Variants in GBE1 observed in about 807,000 individuals in gnomAD.
The protein encoded by GBE1 is 1,4-alpha-glucan branching enzyme 1.
Under a neutral mutation model 88.8 loss-of-function variants are expected in GBE1, and 70 were observed. The observed-to-expected ratio is 0.79, with a 90% CI of 0.65 to 0.96. The LOEUF is 0.96. Among genes scored for constraint, GBE1 ranks in the 40% least tolerant of loss-of-function variants. The pLI is 0.00. For missense variants in GBE1, 872 were observed against 871.0 expected, an observed-to-expected ratio of 1.00 and a Z score of -0.01; for synonymous variants, 284 against 300.1, an observed-to-expected ratio of 0.95 and a Z score of 0.56.
chr3:81,506,450 T>C (rs1472853105), intron 14 of GBE1, among the ~76,000 whole-genome samples: 1 of 152,158 alleles, frequency 6.6e-6, no homozygotes, highest in Non-Finnish European at 1.5e-5. Flanking sequence ...TAAACACCAT[T>C]AGTAGGAAAG....
At chr3:81,653,230 G>A (rs1381578504) in intron 3 of GBE1, among the ~76,000 whole-genome samples, 1 of 152,132 alleles carries the variant, frequency 6.6e-6, no homozygotes, top group Non-Finnish European at 1.5e-5. Context: ...TTGGGAGGCT[G>A]AGATGGGAGG....
intron 10 of GBE1, among the ~76,000 whole-genome samples, chr3:81,582,982 G>C (rs763371486): frequency 1.3e-5 from 2 of 151,888 alleles, no homozygotes; most frequent in Non-Finnish European, 2.9e-5. Context: ...CCATGTATCC[G>C]GCAAAGAAGT....
At chr3:81,701,240 T>C (rs1429640054) in intron 2 of GBE1, among the ~76,000 whole-genome samples, 2 of 152,108 alleles carry the variant, frequency 1.3e-5, no homozygotes, top group African/African-American at 2.4e-5. Context: ...ACCATCCTTC[T>C]AGGTTGCTGC....
rs1327623597 is a variant in GBE1, at chr3:81,649,803, G to A, written c.548C>T (p.Ser183Leu). The change falls in exon 4 of 16, where the codon TCA becomes TTA. Residue 183 changes from serine (S) to leucine (L), a missense_variant. Transcript: ENST00000429644. ...AAGATTTGTTGTTCTCACCTCATAT[G>A]AGTGTTCTGGATCCCAGTGTATCCA... is the stretch of plus-strand genomic sequence containing the variant. ...YDWIHWDPEH[S>L]YEFKHSRPKK... is the part of the protein sequence containing the mutation. The A allele has an allele frequency of 3.1e-6, 5 of 1,606,274 alleles. No homozygotes were observed. Among genetic ancestry groups the A allele is most frequent in the Non-Finnish European group, 4.3e-6 (5 of 1,175,970 alleles).
chr3:81,667,861 G>A (rs1475489174), intron 3 of GBE1, among the ~76,000 whole-genome samples: 2 of 152,088 alleles, frequency 1.3e-5, no homozygotes, highest in African/African-American at 4.8e-5. Flanking sequence ...GTATTTTATT[G>A]AGGACTTTTG....
chr3:81,558,192 T>C (rs773762713), intron 12 of GBE1, among the ~76,000 whole-genome samples: 11 of 151,964 alleles, frequency 7.2e-5, no homozygotes, highest in African/African-American at 4.8e-5. Flanking sequence ...GTGTTTATAG[T>C]TTCTCAGGTT....
At chr3:81,594,949 G>C (rs1703936718) in intron 7 of GBE1, among the ~76,000 whole-genome samples, 1 of 151,672 alleles carries the variant, frequency 6.6e-6, no homozygotes, top group Admixed American at 6.6e-5. Flanking sequence ...CTTTACCCCA[G>C]TCGAAATTCA....
chr3:81,560,626 TG>T (rs1703403798), intron 12 of GBE1, among the ~76,000 whole-genome samples: 1 of 151,982 alleles, frequency 6.6e-6, no homozygotes, highest in Non-Finnish European at 1.5e-5. Context: ...TGGTCATCTC[TG>T]CGTATTTCAA....
chr3:81,519,040 A>C (rs1312241983), intron 14 of GBE1, among the ~76,000 whole-genome samples: 1 of 151,610 alleles, frequency 6.6e-6, no homozygotes, highest in Non-Finnish European at 1.5e-5. Context: ...TCCTAAATTA[A>C]GTCCTTTGTT....
chr3:81,565,449 T>C (rs1268394666), intron 12 of GBE1, among the ~76,000 whole-genome samples: 2 of 152,130 alleles, frequency 1.3e-5, no homozygotes, highest in Non-Finnish European at 2.9e-5. Context: ...CAACCACAGA[T>C]GGAAGATTTG....
intron 1 of GBE1, among the ~76,000 whole-genome samples, chr3:81,707,222 C>A (rs984312904): frequency 1.3e-5 from 2 of 151,888 alleles, no homozygotes; most frequent in Non-Finnish European, 2.9e-5. Flanking sequence ...AGTCTATAGA[C>A]AACCAGGCAG....
chr3:81,594,389 A>C lies in GBE1; in HGVS notation c.993-366T>G, dbSNP rs543730275. On this transcript the variant is annotated intron_variant, in intron 7 of 15. Transcript: ENST00000429644. ...TGCTCGAAAAAAGCAAAGGAATAAA[A>C]TCTATTACCAGTCCCTGAATTTTTA... Among the ~76,000 whole-genome samples the C allele has an allele frequency of 2.6e-5, 4 of 152,184 alleles. No homozygotes were observed. In the South Asian group the frequency reaches 8.3e-4, roughly 32 times the overall value.
At chr3:81,724,620 C>T (rs1374946127) in intron 1 of GBE1, among the ~76,000 whole-genome samples, 1 of 152,084 alleles carries the variant, frequency 6.6e-6, no homozygotes, top group Non-Finnish European at 1.5e-5. Flanking sequence ...TCATTCCAAA[C>T]CCCTTTAATA....
At chr3:81,561,879 A>G (rs187694550) in intron 12 of GBE1, among the ~76,000 whole-genome samples, 6 of 152,186 alleles carry the variant, frequency 3.9e-5, no homozygotes, top group African/African-American at 1.4e-4. Context: ...ATGGGACTAC[A>G]CAGAGGATCA....
intron 7 of GBE1, among the ~76,000 whole-genome samples, chr3:81,613,432 G>C (rs1704208275): frequency 6.6e-6 from 1 of 151,906 alleles, no homozygotes; most frequent in South Asian, 2.1e-4. Context: ...TACAATTCTA[G>C]TTTTTTCCTC....
intron 1 of GBE1, among the ~76,000 whole-genome samples, chr3:81,751,909 C>A (rs1706532794): frequency 1.3e-5 from 2 of 152,166 alleles, no homozygotes; most frequent in Non-Finnish European, 2.9e-5. Flanking sequence ...AGATTGATGA[C>A]ACTGAGTATC....
intron 12 of GBE1, among the ~76,000 whole-genome samples, chr3:81,557,881 G>A (rs925849763): frequency 6.6e-6 from 1 of 151,982 alleles, no homozygotes; most frequent in Non-Finnish European, 1.5e-5. Context: ...AGAAGAAAGA[G>A]AAGGAGAACC....
At chr3:81,738,938 A>G (rs1706311862) in intron 1 of GBE1, among the ~76,000 whole-genome samples, 1 of 152,166 alleles carries the variant, frequency 6.6e-6, no homozygotes, top group Admixed American at 6.6e-5. Context: ...TAGTTCTGGA[A>G]GCTGGTTAGT....
chr3:81,558,127 T>C (rs1703372183), intron 12 of GBE1, among the ~76,000 whole-genome samples: 1 of 152,056 alleles, frequency 6.6e-6, no homozygotes. Context: ...CTTTACAGGT[T>C]GGTAACCTAT....
Sources: allele counts gnomAD v4.1 joint callset (sites outside exome capture counted in the v4.1 genomes callset), GRCh38; gene constraint gnomAD v4.1.1; transcripts MANE v1.5; gene names NCBI Gene and HGNC (gene_info 2026-07-23, HGNC 2026-07-21).